ZNF827: variants seen among roughly 807,000 people sequenced by gnomAD.
The protein encoded by ZNF827 is zinc finger protein 827.
Under a neutral mutation model 102.4 loss-of-function variants are expected in ZNF827, and 13 were observed. The ratio of observed to expected loss-of-function variants is 0.13; its 90% CI spans 0.08 to 0.20. ZNF827 has a LOEUF of 0.20. ZNF827 is among the 10% of genes least tolerant of loss of function. The pLI, the probability that ZNF827 is intolerant of heterozygous loss-of-function variation, is 1.00. For synonymous variants in ZNF827, 523 were observed against 536.2 expected, an observed-to-expected ratio of 0.98 and a Z score of 0.34; for missense variants, 1,103 against 1,344.4, an observed-to-expected ratio of 0.82 and a Z score of 2.81.
rs931611947 is a variant in ZNF827 at position 145,759,666 on chromosome 4, C to A, written c.*1950G>T. 5 of 151,634 alleles carry A rather than the reference C, an allele frequency of 3.3e-5. No individual in the cohort carries two copies. The highest frequency in any genetic ancestry group is 5.9e-5 in the Non-Finnish European group (4 of 67,972). The allele number at this position is 151,634 out of a possible 1,614,324, so 9.4% of individuals were successfully genotyped here. A position where few individuals can be genotyped will look rare whatever the true frequency, so the allele number is the denominator to read the frequency against. ...GTCTACTCATTCCATAAAAAAGGTA[C>A]ATTTTCTTCCTTTTATTTTACTTTT... On this transcript the variant is annotated 3_prime_UTR_variant, in exon 15 of 15. Coordinates refer to ENST00000508784, the MANE Select transcript of ZNF827 (RefSeq NM_001306215.2).
At chr4:145,819,404 T>C (rs919885187) in intron 8 of ZNF827, among the ~76,000 whole-genome samples, 1 of 152,206 alleles carries the variant, frequency 6.6e-6, no homozygotes, top group Non-Finnish European at 1.5e-5. Flanking sequence ...ATATAAATTC[T>C]TCTCTTAACA....
chr4:145,808,481 T>C (rs1741703183), intron 8 of ZNF827, among the ~76,000 whole-genome samples: 1 of 152,150 alleles, frequency 6.6e-6, no homozygotes, highest in Non-Finnish European at 1.5e-5. Context: ...CATTCCTAGA[T>C]ACTTAGGGCG....
intron 1 of ZNF827, chr4:145,907,117 G>T (rs1354577681): frequency 8.8e-6 from 4 of 456,540 alleles, no homozygotes; most frequent in Admixed American, 4.7e-5. Context: ...AGAAAATGAG[G>T]ATGTGCAGAG....
chr4:145,893,707 T>C (rs1427373686), intron 2 of ZNF827, among the ~76,000 whole-genome samples: 1 of 152,232 alleles, frequency 6.6e-6, no homozygotes, highest in African/African-American at 2.4e-5. Flanking sequence ...ATGTGCCTTC[T>C]GATATGTCAT....
At chr4:145,836,588 C>G (rs937293855) in intron 7 of ZNF827, among the ~76,000 whole-genome samples, 8 of 152,278 alleles carry the variant, frequency 5.3e-5, no homozygotes, top group African/African-American at 1.4e-4. Context: ...GTTCCTGGCT[C>G]GGACTTCAAT....
chr4:145,921,509 C>G (rs1394335728), intron 1 of ZNF827, among the ~76,000 whole-genome samples: 1 of 147,744 alleles, frequency 6.8e-6, no homozygotes, highest in Non-Finnish European at 1.5e-5. Context: ...CAGCTGGCAA[C>G]CATTTCAATT....
intron 2 of ZNF827, among the ~76,000 whole-genome samples, chr4:145,900,633 C>G (rs1751338005): frequency 6.6e-6 from 1 of 151,968 alleles, no homozygotes; most frequent in Admixed American, 6.6e-5. Context: ...TGGTCTTGAC[C>G]CCCTGACCTC....
chr4:145,920,782 T>G lies in ZNF827; in HGVS notation c.44-17567A>C, dbSNP rs374395907. ...TTCTTAATTTCATTCATTTCTTCAT[T>G]CAACAATATTAATAGAACATCTCCT... On this transcript the variant is annotated intron_variant, in intron 1 of 14. Transcript: ENST00000508784. Among the ~76,000 whole-genome samples the G allele has an allele frequency of 1.4e-4, 22 of 152,324 alleles. No homozygotes were observed. The East Asian group carries it at 1.9e-3, about 13-fold the overall frequency.
chr4:145,843,806 G>A (rs1745655526), intron 7 of ZNF827, among the ~76,000 whole-genome samples: 1 of 152,170 alleles, frequency 6.6e-6, no homozygotes, highest in African/African-American at 2.4e-5. Context: ...CCCTGCAGGG[G>A]ATTACTTGAA....
chr4:145,821,863 A>C (rs1206144685), intron 8 of ZNF827, among the ~76,000 whole-genome samples: 3 of 152,220 alleles, frequency 2.0e-5, no homozygotes, highest in Non-Finnish European at 1.5e-5. Flanking sequence ...TAACTTGACC[A>C]ATAAACCCTG....
At position 145,903,038 on chromosome 4, in the gene ZNF827, G is replaced by A. The variant is rs569522064; in HGVS notation, c.221C>T (p.Thr74Met). ...CTCCAACGTGTGGCTGCTGGGAGTC[G>A]TGCTTCCCAAGGAGGTGTCCGGGGA... ...STSPDTSLGS[T>M]TPSSHTLELV... Residue 74 changes from threonine to methionine, a missense_variant, in exon 2 of 15, where the codon ACG becomes ATG. Around this residue, in one of 5 missense-constraint regions of ZNF827, gnomAD observed 441 missense variants for 458.6 expected, o/e 0.96. Transcript: ENST00000508784. 86 of 1,614,164 alleles carry A rather than the reference G, an allele frequency of 5.3e-5. 1 individual carries two copies. In the South Asian group the frequency reaches 8.2e-4, roughly 15 times the overall value.
intron 1 of ZNF827, among the ~76,000 whole-genome samples, chr4:145,911,456 C>G (rs935216116): frequency 6.6e-6 from 1 of 152,290 alleles, no homozygotes; most frequent in African/African-American, 2.4e-5. Context: ...TAATGGGTGA[C>G]TATCATTATT....
intron 7 of ZNF827, among the ~76,000 whole-genome samples, chr4:145,834,461 C>CCT (rs1340909693): frequency 6.6e-6 from 1 of 152,156 alleles, no homozygotes; most frequent in African/African-American, 2.4e-5. Context: ...TCTTCCTCAG[C>CCT]CTCTGCTCCT....
intron 9 of ZNF827, 137 bp downstream of exon 9, chr4:145,779,237 C>T: frequency 8.5e-7 from 1 of 1,176,782 alleles, no homozygotes; most frequent in Non-Finnish European, 1.2e-6. Context: ...TTAAACATGC[C>T]AGAGAAAATG....
At chr4:145,916,632 G>A (rs1752685791) in intron 1 of ZNF827, among the ~76,000 whole-genome samples, 1 of 152,062 alleles carries the variant, frequency 6.6e-6, no homozygotes, top group African/African-American at 2.4e-5. Flanking sequence ...CACATCTATG[G>A]TTTCCTCTCC....
chr4:145,890,581 A>T (rs1024577238), intron 3 of ZNF827, among the ~76,000 whole-genome samples: 2 of 152,198 alleles, frequency 1.3e-5, no homozygotes, highest in African/African-American at 4.8e-5. Context: ...GGCTAGATGC[A>T]AGTTTTCTGC....
intron 1 of ZNF827, among the ~76,000 whole-genome samples, chr4:145,912,638 A>G (rs1214146276): frequency 6.6e-6 from 1 of 152,192 alleles, no homozygotes; most frequent in African/African-American, 2.4e-5. Context: ...TGTCCTTATA[A>G]AAGGGGGAAA....
chr4:145,934,178 T>G (rs1753997825), intron 1 of ZNF827, among the ~76,000 whole-genome samples: 1 of 152,208 alleles, frequency 6.6e-6, no homozygotes, highest in Admixed American at 6.5e-5. Flanking sequence ...GTAATAATTT[T>G]TAAAACCACC....
chr4:145,893,714 T>C (rs1359012490), intron 2 of ZNF827, among the ~76,000 whole-genome samples: 1 of 152,236 alleles, frequency 6.6e-6, no homozygotes, highest in Non-Finnish European at 1.5e-5. Context: ...TTCTGATATG[T>C]CATCTGTGAA....
Sources: gnomAD v4.1 joint callset for allele counts (sites outside exome capture counted in the v4.1 genomes callset) on GRCh38, gnomAD v4.1.1 for gene constraint, gnomAD v4.1.1 regional missense constraint, MANE v1.5 for transcripts, NCBI Gene and HGNC (gene_info 2026-07-23, HGNC 2026-07-21) for gene names.